The following NRG1 variants were observed in gnomAD, a reference collection of about 807,000 sequenced individuals.
The protein encoded by NRG1 is neuregulin 1, also known as pro-neuregulin-1, membrane-bound isoform.
In NRG1, 18 loss-of-function variants were observed where a neutral mutation model predicts 63.8. The observed-to-expected ratio is 0.28, with a 90% CI of 0.19 to 0.42. NRG1 has a LOEUF of 0.42. Among genes scored for constraint, NRG1 ranks in the 10% least tolerant of loss-of-function variants. NRG1 has a pLI of 1.00. For missense variants in NRG1, 762 were observed against 814.7 expected (o/e 0.94, Z 0.79); for synonymous variants, 302 against 301.3 (o/e 1.00, Z -0.02).
intron 1 of NRG1, among the ~76,000 whole-genome samples, chr8:31,644,884 T>C (rs1225110152): frequency 2.0e-5 from 3 of 152,140 alleles, no homozygotes; most frequent in Admixed American, 2.0e-4. Context: ...TAATCTCTTT[T>C]GATAGCTCTT....
At chr8:31,775,490 G>A (rs991054194) in intron 1 of NRG1, among the ~76,000 whole-genome samples, 18 of 152,250 alleles carry the variant, frequency 1.2e-4, no homozygotes, top group Admixed American at 1.1e-3. Flanking sequence ...AGTATGTACA[G>A]TGTTCGCTAT....
At chr8:32,444,457 G>A (rs1231812745) in intron 1 of NRG1, among the ~76,000 whole-genome samples, 1 of 152,040 alleles carries the variant, frequency 6.6e-6, no homozygotes, top group African/African-American at 2.4e-5. Context: ...ATTTTCTTAT[G>A]TTTCCCATAT....
intron 1 of NRG1, among the ~76,000 whole-genome samples, chr8:32,450,105 A>G (rs1387399318): frequency 2.0e-5 from 3 of 152,216 alleles, no homozygotes; most frequent in Admixed American, 1.3e-4. Flanking sequence ...TAGAGCGAAG[A>G]TAGAATCTTC....
rs148034247 is a variant in NRG1, at chr8:32,137,431, G to A, written c.38-458397G>A. ...TACTCTAGCCTGGGAGACAGAGTGA[G>A]ACCCCATCTCAAAAGAAAAAAAATA... On this transcript the variant is annotated intron_variant, in intron 1 of 10. Transcript: ENST00000519301. 8.5e-3 allele frequency among the ~76,000 whole-genome samples: 1,294 copies of A among 152,210 alleles called. 70 individuals carry two copies. Among genetic ancestry groups the A allele is most frequent in the Admixed American group, 0.076 (1,163 of 15,286 alleles).
intron 1 of NRG1, among the ~76,000 whole-genome samples, chr8:32,407,918 T>C (rs1050252781): frequency 1.3e-5 from 2 of 152,232 alleles, no homozygotes; most frequent in Admixed American, 1.3e-4. Flanking sequence ...GTGCAGAATG[T>C]ATCAGGATGG....
At chr8:32,662,934 G>C (rs905567770) in intron 5 of NRG1, among the ~76,000 whole-genome samples, 3 of 152,086 alleles carry the variant, frequency 2.0e-5, no homozygotes, top group African/African-American at 7.2e-5. Context: ...ATGCCTGAGA[G>C]CCTCCTGTAA....
chr8:31,684,193 G>T (rs564323954), intron 1 of NRG1, among the ~76,000 whole-genome samples: 2 of 152,296 alleles, frequency 1.3e-5, no homozygotes, highest in South Asian at 4.1e-4. Context: ...GACTGCTATG[G>T]CTTGAATGTT....
chr8:32,547,678 G>A (rs34178679), upstream of NRG1, among the ~76,000 whole-genome samples: 9,402 of 151,790 alleles, frequency 0.062, 379 homozygotes, highest in Non-Finnish European at 0.094. Flanking sequence ...TTTAAGGTTC[G>A]CTTAGCCCTT....
At chr8:32,247,365 A>G (rs1468629670) in intron 1 of NRG1, among the ~76,000 whole-genome samples, 3 of 152,068 alleles carry the variant, frequency 2.0e-5, no homozygotes, top group South Asian at 2.1e-4. Context: ...GCCCATACAG[A>G]TTTGTCCTAG....
chr8:31,657,704 A>G (rs1805567771), intron 1 of NRG1, among the ~76,000 whole-genome samples: 1 of 152,224 alleles, frequency 6.6e-6, no homozygotes, highest in South Asian at 2.1e-4. Flanking sequence ...TTATGGCTGA[A>G]CATGTTTACA....
chr8:32,401,074 A>G (rs2129484621), intron 1 of NRG1, among the ~76,000 whole-genome samples: 1 of 152,222 alleles, frequency 6.6e-6, no homozygotes, highest in African/African-American at 2.4e-5. Context: ...TCTCACTCAT[A>G]AGTGGGAACT....
chr8:32,544,192 A>G (rs1330796554), upstream of NRG1, among the ~76,000 whole-genome samples: 1 of 152,100 alleles, frequency 6.6e-6, no homozygotes, highest in African/African-American at 2.4e-5. Context: ...GGAATCACTA[A>G]AAGTGAATTT....
intron 1 of NRG1, among the ~76,000 whole-genome samples, chr8:31,678,812 T>A (rs1189238831): frequency 1.3e-5 from 2 of 148,926 alleles, no homozygotes; most frequent in Non-Finnish European, 3.0e-5. Context: ...AAATAATATT[T>A]AATTTTAACT....
At chr8:32,374,254 A>G (rs1158478805) in intron 1 of NRG1, among the ~76,000 whole-genome samples, 1 of 152,218 alleles carries the variant, frequency 6.6e-6, no homozygotes, top group African/African-American at 2.4e-5. Flanking sequence ...GAGCCAATAG[A>G]AAAACACATA....
intron 1 of NRG1, among the ~76,000 whole-genome samples, chr8:32,213,460 G>A (rs1157127519): frequency 4.6e-5 from 7 of 151,990 alleles, no homozygotes; most frequent in Non-Finnish European, 8.8e-5. Flanking sequence ...GGGGCCTGTC[G>A]GGGAGCATGG....
intron 1 of NRG1, among the ~76,000 whole-genome samples, chr8:32,153,191 C>A (rs1187666568): frequency 6.6e-6 from 1 of 152,024 alleles, no homozygotes; most frequent in Non-Finnish European, 1.5e-5. Flanking sequence ...AAGCAGAAGG[C>A]CGGTGGGAGT....
chr8:32,067,459 G>A (rs1825037983), intron 1 of NRG1, among the ~76,000 whole-genome samples: 1 of 152,282 alleles, frequency 6.6e-6, no homozygotes, highest in African/African-American at 2.4e-5. Context: ...TGTGGTTTTT[G>A]TCTTTGGTTC....
intron 1 of NRG1, among the ~76,000 whole-genome samples, chr8:32,303,955 T>C (rs1227424024): frequency 6.6e-6 from 1 of 152,234 alleles, no homozygotes; most frequent in Non-Finnish European, 1.5e-5. Context: ...TTTCAAATTT[T>C]TGAAATAGGT....
exon 1 of NRG1, chr8:32,548,423 G>C (rs1398442002): frequency 3.2e-5 from 36 of 1,119,806 alleles, no homozygotes; most frequent in Non-Finnish European, 3.9e-5. Context: ...CGGGTTGCGA[G>C]GGCGCCGGGC....
Sources: allele counts gnomAD v4.1 joint callset (sites outside exome capture counted in the v4.1 genomes callset), GRCh38; gene constraint gnomAD v4.1.1; transcripts MANE v1.5; gene names NCBI Gene and HGNC (gene_info 2026-07-23, HGNC 2026-07-21).